TNFRSF19: variants seen among roughly 807,000 people sequenced by gnomAD.
TNFRSF19 encodes TNF receptor superfamily member 19.
Under a neutral mutation model 46.4 loss-of-function variants are expected in TNFRSF19, and 27 were observed. The ratio of observed to expected loss-of-function variants is 0.58; its 90% confidence interval spans 0.43 to 0.80. TNFRSF19 has a LOEUF of 0.80. TNFRSF19 is among the 30% of genes least tolerant of loss of function. The pLI, the probability that TNFRSF19 is intolerant of heterozygous loss-of-function variation, is 0.00. For synonymous variants in TNFRSF19, 204 were observed against 205.0 expected (o/e 1.00, Z 0.04); for missense variants, 511 against 530.8 (o/e 0.96, Z 0.37).
At chr13:23,647,637 C>T (rs1034875676) in intron 5 of TNFRSF19, among the ~76,000 whole-genome samples, 4 of 152,122 alleles carry the variant, frequency 2.6e-5, no homozygotes, top group African/African-American at 9.7e-5. Context: ...GCAATCCTTC[C>T]ACTTCAGCCT....
intron 4 of TNFRSF19, among the ~76,000 whole-genome samples, chr13:23,619,232 T>C (rs1239179957): frequency 1.3e-5 from 2 of 152,134 alleles, no homozygotes; most frequent in African/African-American, 2.4e-5. Context: ...TGCTATGAGA[T>C]GGATGAGCCT....
Sources: allele counts gnomAD v4.1 joint callset (sites outside exome capture counted in the v4.1 genomes callset), GRCh38; gene constraint gnomAD v4.1.1; transcripts MANE v1.5; gene names NCBI Gene and HGNC (gene_info 2026-07-23, HGNC 2026-07-21).